Variants in MATN2 observed in about 807,000 individuals in gnomAD.
MATN2 encodes matrilin-2.
MATN2 carries 69 observed loss-of-function variants against 103.2 expected under a neutral mutation model. That is an observed-to-expected ratio of 0.67 (90% confidence interval 0.55 to 0.82). The LOEUF (loss-of-function observed/expected upper bound fraction) is 0.82, where lower values mean the gene tolerates loss of function less well. Among genes scored for constraint, MATN2 ranks in the 40% least tolerant of loss-of-function variants. The pLI is 0.00. For missense variants in MATN2, 1,023 were observed against 1,211.5 expected, an observed-to-expected ratio of 0.84 and a Z score of 2.31; for synonymous variants, 429 against 450.2, an observed-to-expected ratio of 0.95 and a Z score of 0.60.
Position 98,005,616 on chromosome 8 carries a change from G to A in MATN2, c.1328-1489G>A, listed in dbSNP as rs549245824. On this transcript the variant is annotated intron_variant, in intron 8 of 18. Transcript: ENST00000254898. This position sits in a 1 kb window ranked among gnomAD's most constrained non-coding sequence, Gnocchi z 4.6. ...GTACAAACCAAGCTGTTTCTGTCTC[G>A]CAGTCCTTAGAGAAAGCCACAGGCT... Among the ~76,000 whole-genome samples the A allele has an allele frequency of 1.1e-4, 16 of 152,222 alleles. No individual in the cohort carries two copies. The highest frequency in any genetic ancestry group is 9.2e-4 in the Admixed American group (14 of 15,284).
intron 11 of MATN2, 118 bp downstream of exon 11, chr8:98,016,780 A>G (rs1213917788): frequency 1.6e-6 from 2 of 1,239,300 alleles, no homozygotes; most frequent in African/African-American, 1.5e-5. Flanking sequence ...GCAAAATGTA[A>G]TGTAGTGTCC....
At chr8:97,975,533 G>A (rs1186982120) in intron 5 of MATN2, among the ~76,000 whole-genome samples, 1 of 152,206 alleles carries the variant, frequency 6.6e-6, no homozygotes, top group Non-Finnish European at 1.5e-5. Flanking sequence ...AAGGTAGAGT[G>A]TGAGTTTCTG....
chr8:97,900,112 GACTA>G (rs1818932306), intron 2 of MATN2, among the ~76,000 whole-genome samples: 2 of 152,214 alleles, frequency 1.3e-5, no homozygotes, highest in Non-Finnish European at 2.9e-5. Context: ...GAATTAGAAC[GACTA>G]ACTCAGTCCT....
At chr8:97,968,220 G>C (rs987831534) in intron 5 of MATN2, among the ~76,000 whole-genome samples, 3 of 152,162 alleles carry the variant, frequency 2.0e-5, no homozygotes. Context: ...TTTTCCCCTA[G>C]GCCTCTGGGC....
intron 14 of MATN2, among the ~76,000 whole-genome samples, chr8:98,028,620 T>C (rs1490475449): frequency 6.6e-6 from 1 of 152,066 alleles, no homozygotes; most frequent in African/African-American, 2.4e-5. Context: ...GGAGGCTTGC[T>C]CTGTCACCGA....
chr8:98,033,655 G>A lies in MATN2; in HGVS notation c.2811G>A (p.Gln937=). Residue 937 remains glutamine (Q), a synonymous_variant, in exon 18 of 19, where the codon CAG becomes CAA. Coordinates refer to ENST00000254898, the MANE Select transcript of MATN2 (RefSeq NM_002380.5). ...LANEEVRKLT[Q]RLEEMTQRME... ...ACGAAGAAGTAAGAAAATTAACACAGCGCTATATCCTTTTCTTGCATTATG... is the reference window on the plus strand; with the variant it reads ...ACGAAGAAGTAAGAAAATTAACACAACGCTATATCCTTTTCTTGCATTATG... 1.3e-6 allele frequency: 2 copies of A among 1,588,000 alleles called. No individual in the cohort carries two copies. The highest frequency in any genetic ancestry group is 2.2e-5 in the East Asian group (1 of 44,560).
intron 1 of MATN2, among the ~76,000 whole-genome samples, chr8:97,870,482 C>T (rs959388947): frequency 2.0e-5 from 3 of 151,840 alleles, no homozygotes; most frequent in Admixed American, 2.0e-4. Context: ...GGTGCCATTG[C>T]ACTCCAGCCT....
intron 14 of MATN2, 122 bp downstream of exon 14, chr8:98,027,951 C>T: frequency 1.0e-6 from 1 of 967,018 alleles, no homozygotes; most frequent in Non-Finnish European, 1.5e-6. Context: ...CTCCTGGCAA[C>T]TGCCATTATA....
chr8:98,026,811 T>C (rs1368943426), intron 13 of MATN2, among the ~76,000 whole-genome samples: 1 of 152,238 alleles, frequency 6.6e-6, no homozygotes, highest in Non-Finnish European at 1.5e-5. Context: ...TTAGATTGTA[T>C]GCAGCTTGGT....
chr8:97,960,451 T>C (rs181253667), intron 4 of MATN2, among the ~76,000 whole-genome samples: 24 of 152,344 alleles, frequency 1.6e-4, no homozygotes, highest in African/African-American at 5.8e-4. Context: ...AATCTTTTCA[T>C]CCACCAACAT....
intron 7 of MATN2, among the ~76,000 whole-genome samples, chr8:98,002,714 C>A (rs1459005338): frequency 6.6e-6 from 1 of 152,162 alleles, no homozygotes; most frequent in East Asian, 1.9e-4. Context: ...CACAGGTATA[C>A]TTCAGGTGCC....
intron 2 of MATN2, among the ~76,000 whole-genome samples, chr8:97,917,124 A>G (rs1238693825): frequency 6.6e-6 from 1 of 152,114 alleles, no homozygotes. Flanking sequence ...TTGCTACCCA[A>G]AGATGCACAC....
chr8:97,938,002 C>G (rs1346679991), intron 3 of MATN2, among the ~76,000 whole-genome samples: 1 of 152,190 alleles, frequency 6.6e-6, no homozygotes, highest in Admixed American at 6.5e-5. Context: ...ATCCTCTCCC[C>G]ACGATGCTGC....
At chr8:97,963,476 AT>A (rs1331195683) in intron 5 of MATN2, among the ~76,000 whole-genome samples, 1 of 152,214 alleles carries the variant, frequency 6.6e-6, no homozygotes, top group African/African-American at 2.4e-5. Context: ...GTGTTTCCAA[AT>A]AATTACCTGC....
At chr8:97,924,212 G>A (rs960327884) in intron 2 of MATN2, among the ~76,000 whole-genome samples, 8 of 152,152 alleles carry the variant, frequency 5.3e-5, no homozygotes, top group African/African-American at 1.9e-4. Context: ...GTAGCTGAAT[G>A]TGGCTGTAGC....
rs151276738 is a variant in MATN2, at chr8:97,922,606, G to T, written c.143-8347G>T. ...GACAAATTGTTTATTGGTACTCAAA[G>T]TGCCATGTTGAAAGGATCCAGGCTG... On this transcript the variant is annotated intron_variant, in intron 2 of 18. Transcript: ENST00000254898. Among the ~76,000 whole-genome samples the T allele has an allele frequency of 5.1e-4, 77 of 152,252 alleles. 2 individuals carry two copies. The highest frequency in any genetic ancestry group is 1.8e-3 in the African/African-American group (75 of 41,532).
At chr8:97,924,193 C>G (rs1044285361) in intron 2 of MATN2, among the ~76,000 whole-genome samples, 1 of 152,178 alleles carries the variant, frequency 6.6e-6, no homozygotes, top group African/African-American at 2.4e-5. Context: ...GCCTGCCCCC[C>G]ATATCTGTGT....
At chr8:98,032,666 G>A (rs551326296) in intron 16 of MATN2, among the ~76,000 whole-genome samples, 1 of 152,084 alleles carries the variant, frequency 6.6e-6, no homozygotes, top group Non-Finnish European at 1.5e-5. Flanking sequence ...CGAGTAGCTG[G>A]AATTACAGGC....
intron 4 of MATN2, among the ~76,000 whole-genome samples, chr8:97,945,577 TAACATTCA>T (rs950072812): frequency 2.6e-5 from 4 of 151,942 alleles, no homozygotes; most frequent in Non-Finnish European, 4.4e-5. Flanking sequence ...AATTCAGGAC[TAACATTCA>T]ACAGATTGTT....
Sources: gnomAD v4.1 joint callset for allele counts (sites outside exome capture counted in the v4.1 genomes callset) on GRCh38, gnomAD v4.1.1 for gene constraint, Gnocchi (gnomAD v3.1) non-coding constraint, MANE v1.5 for transcripts, NCBI Gene and HGNC (gene_info 2026-07-23, HGNC 2026-07-21) for gene names.